Variants in CUX2 observed in about 807,000 individuals in gnomAD.
The protein encoded by CUX2 is cut like homeobox 2, also known as homeobox protein cut-like 2.
CUX2 carries 40 observed loss-of-function variants against 144.8 expected under a neutral mutation model. The ratio of observed to expected loss-of-function variants is 0.28; its 90% CI spans 0.21 to 0.36. The LOEUF (loss-of-function observed/expected upper bound fraction) is 0.36, where lower values mean the gene tolerates loss of function less well. Among genes scored for constraint, CUX2 ranks in the 10% least tolerant of loss-of-function variants. The probability of loss-of-function intolerance (pLI) is 1.00; values close to 1 mark genes in which losing one functional copy is unlikely to be tolerated. For missense variants in CUX2, 1,615 were observed against 1,994.0 expected (o/e 0.81, Z 3.62); for synonymous variants, 827 against 875.6 (o/e 0.94, Z 0.98).
chr12:111,091,784 G>A (rs1872568966), intron 1 of CUX2, among the ~76,000 whole-genome samples: 1 of 152,186 alleles, frequency 6.6e-6, no homozygotes, highest in African/African-American at 2.4e-5. Flanking sequence ...CCAGCTTCTG[G>A]TGGCTGCCGG....
chr12:111,065,778 G>A (rs901118229), intron 1 of CUX2, among the ~76,000 whole-genome samples: 1 of 152,216 alleles, frequency 6.6e-6, no homozygotes, highest in East Asian at 1.9e-4. Flanking sequence ...AGCAGCATCA[G>A]CATCCCCAAG....
In CUX2 at chr12:111,342,052, AGGTGGG is replaced by A; in HGVS notation, c.3659_3659+5del. ...CGTCATCAACTGGTTCCACAACTAC[AGGTGGG>A]ACTATGGGGGCGTACCCACAGGCGG... On this transcript the variant is annotated splice_donor_variant and splice_donor_5th_base_variant and coding_sequence_variant and intron_variant, in exon 21 of 22. Coordinates refer to ENST00000261726, the MANE Select transcript of CUX2 (RefSeq NM_015267.4). LOFTEE classifies it high-confidence loss of function. 6.2e-7 allele frequency: 1 copy of A among 1,611,136 alleles called. No individual in the cohort carries two copies. The highest frequency in any genetic ancestry group is 8.5e-7 in the Non-Finnish European group (1 of 1,178,372).
chr12:111,166,870 G>A (rs924681845), intron 1 of CUX2, among the ~76,000 whole-genome samples: 8 of 152,162 alleles, frequency 5.3e-5, no homozygotes, highest in Non-Finnish European at 7.3e-5. Flanking sequence ...TCTGATTGGC[G>A]AGGGGATGTC....
At chr12:111,290,601 T>C (rs1885621391) in intron 4 of CUX2, among the ~76,000 whole-genome samples, 1 of 152,042 alleles carries the variant, frequency 6.6e-6, no homozygotes, top group Non-Finnish European at 1.5e-5. Flanking sequence ...CTAATTTTTA[T>C]ATTTTTAGTA....
chr12:111,125,653 G>T (rs1170856089), intron 1 of CUX2, among the ~76,000 whole-genome samples: 1 of 152,164 alleles, frequency 6.6e-6, no homozygotes, highest in Non-Finnish European at 1.5e-5. Flanking sequence ...TTGTTGCTAG[G>T]AATGTGGCTT....
chr12:111,083,009 G>T (rs892930256), intron 1 of CUX2, among the ~76,000 whole-genome samples: 1 of 152,148 alleles, frequency 6.6e-6, no homozygotes, highest in Non-Finnish European at 1.5e-5. Flanking sequence ...GTTGACATTT[G>T]TGGCCGTTTC....
intron 4 of CUX2, among the ~76,000 whole-genome samples, chr12:111,267,775 TCTC>T (rs768772346): frequency 1.3e-5 from 2 of 152,100 alleles, no homozygotes; most frequent in Admixed American, 1.3e-4. Context: ...CACTCCAATG[TCTC>T]CTCTGTATCT....
At chr12:111,090,935 C>A (rs1191546880) in intron 1 of CUX2, among the ~76,000 whole-genome samples, 1 of 152,114 alleles carries the variant, frequency 6.6e-6, no homozygotes, top group Non-Finnish European at 1.5e-5. Context: ...AAGCACAAGC[C>A]AGCATTGATG....
intron 1 of CUX2, among the ~76,000 whole-genome samples, chr12:111,142,721 C>T (rs1472918284): frequency 6.6e-6 from 1 of 152,088 alleles, no homozygotes; most frequent in Non-Finnish European, 1.5e-5. Flanking sequence ...AAGCTGCTCC[C>T]GGCTTGTAAT....
intron 1 of CUX2, among the ~76,000 whole-genome samples, chr12:111,152,788 C>T (rs997194051): frequency 1.3e-5 from 2 of 152,118 alleles, no homozygotes; most frequent in East Asian, 1.9e-4. Flanking sequence ...GCGTGGGGGA[C>T]GGGGGAAGGA....
intron 1 of CUX2, among the ~76,000 whole-genome samples, chr12:111,104,386 A>G (rs144855362): frequency 6.6e-6 from 1 of 152,322 alleles, no homozygotes; most frequent in Non-Finnish European, 1.5e-5. Flanking sequence ...TTTGTGGGCT[A>G]ACAAAGTCCA....
chr12:111,285,510 G>T (rs886336677), intron 4 of CUX2, among the ~76,000 whole-genome samples: 1 of 152,126 alleles, frequency 6.6e-6, no homozygotes, highest in Non-Finnish European at 1.5e-5. Context: ...ATTGACACAT[G>T]TGAGAATCTT....
At chr12:111,045,820 C>A (rs1160435349) in intron 1 of CUX2, among the ~76,000 whole-genome samples, 1 of 152,216 alleles carries the variant, frequency 6.6e-6, no homozygotes, top group Non-Finnish European at 1.5e-5. Context: ...ACAGCCCCTA[C>A]CTCATAGGGA....
intron 3 of CUX2, among the ~76,000 whole-genome samples, chr12:111,247,247 T>G (rs1002087415): frequency 3.9e-5 from 6 of 152,128 alleles, no homozygotes; most frequent in Non-Finnish European, 7.4e-5. Context: ...TAGACTGGGC[T>G]GGGATCAGAC....
rs1886700248 is a variant in CUX2 at position 111,308,303 on chromosome 12, G to A, written c.1128G>A (p.Lys376=). The A allele has an allele frequency of 6.2e-7, 1 of 1,613,972 alleles. No individual in the cohort carries two copies. The highest frequency in any genetic ancestry group is 8.5e-7 in the Non-Finnish European group (1 of 1,180,020). The change falls in exon 13 of 22, where the codon AAG becomes AAA. Residue 376 remains lysine, a synonymous_variant. Transcript: ENST00000261726. ...CTGGCAGCATCCTGAAAGCCATGAAGCTGGCCTCCAGCACCTGCAGCCTCC... is the reference window on the plus strand; with the variant it reads ...CTGGCAGCATCCTGAAAGCCATGAAACTGGCCTCCAGCACCTGCAGCCTCC... ...KTELSILKAM[K]LASSTCSLPQ...
chr12:111,039,675 G>A lies in CUX2; in HGVS notation c.63+5435G>A, dbSNP rs1247702728. Among the ~76,000 whole-genome samples the A allele has an allele frequency of 6.6e-5, 10 of 152,116 alleles. No homozygotes were observed. Among genetic ancestry groups the A allele is most frequent in the African/African-American group, 2.2e-4 (9 of 41,432 alleles). On this transcript the variant is annotated intron_variant, in intron 1 of 21. Transcript: ENST00000261726. The surrounding 1 kb of genome is among the most constrained non-coding windows in gnomAD (Gnocchi z 4.2). ...GATTCCCAAGTAGTTGGAACTATAG[G>A]CGCATGCCACCACGCCTGGCTAATT... is the stretch of plus-strand genomic sequence containing the variant.
At chr12:111,184,682 A>G (rs1270367803) in intron 1 of CUX2, among the ~76,000 whole-genome samples, 1 of 150,574 alleles carries the variant, frequency 6.6e-6, no homozygotes, top group Admixed American at 6.6e-5. Context: ...ACTGGAGGCC[A>G]GGAGTTTAAG....
intron 14 of CUX2, 78 bp downstream of exon 14, chr12:111,308,604 G>T: frequency 8.2e-7 from 1 of 1,221,608 alleles, no homozygotes; most frequent in South Asian, 1.3e-5. Flanking sequence ...CATGCCCAAG[G>T]ACCACTGCCT....
At chr12:111,267,195 CAAAAAA>C (rs11290695) in intron 4 of CUX2, among the ~76,000 whole-genome samples, 2 of 66,346 alleles carry the variant, frequency 3.0e-5, no homozygotes, top group East Asian at 3.7e-4. Flanking sequence ...AAGACCCTGT[CAAAAAA>C]AAAAAAAAAA....
Sources: gnomAD v4.1 joint callset for allele counts (sites outside exome capture counted in the v4.1 genomes callset) on GRCh38, gnomAD v4.1.1 for gene constraint, Gnocchi (gnomAD v3.1) non-coding constraint, MANE v1.5 for transcripts, NCBI Gene and HGNC (gene_info 2026-07-23, HGNC 2026-07-21) for gene names.